NEURL1B: variants seen among roughly 807,000 people sequenced by gnomAD.
The protein encoded by NEURL1B is E3 ubiquitin-protein ligase NEURL1B.
Under a neutral mutation model 37.4 loss-of-function variants are expected in NEURL1B, and 13 were observed. That is an observed-to-expected ratio of 0.35 (90% CI 0.23 to 0.55). The LOEUF (loss-of-function observed/expected upper bound fraction) is 0.55. Among genes scored for constraint, NEURL1B ranks in the 20% least tolerant of loss-of-function variants. NEURL1B has a pLI of 0.89. For synonymous variants in NEURL1B, 432 were observed against 426.6 expected (o/e 1.01, Z -0.16); for missense variants, 790 against 879.2 (o/e 0.90, Z 1.28).
Position 172,683,840 on chromosome 5 carries a change from G to C in NEURL1B, c.999G>C (p.Ala333=). 2.3e-6 allele frequency: 3 copies of C among 1,327,498 alleles called. No homozygotes were observed. Among genetic ancestry groups the C allele is most frequent in the Non-Finnish European group, 2.9e-6 (3 of 1,035,300 alleles). The allele number at this position is 1,327,498 out of a possible 1,614,324, so 82.2% of individuals were successfully genotyped here. ...TGGAGGTGGGCCGTCCGGGGCTGGC[G>C]GCGCCCGGCGCGCTGGCCTTCGGCA... ...LFVEVGRPGL[A]APGALAFGIT... Residue 333 remains alanine (A), a synonymous_variant, in exon 3 of 5, where the codon GCG becomes GCC. Coordinates refer to ENST00000369800, the MANE Select transcript of NEURL1B (RefSeq NM_001142651.3). This position sits in a 1 kb window ranked among gnomAD's most constrained non-coding sequence, Gnocchi z 5.6.
chr5:172,670,273 G>A lies in NEURL1B; in HGVS notation c.520G>A (p.Gly174Ser). ...CTTCCACTGCGGCGTGGCCGTGGGCGGCCCGCTCTGGGCGCTCATTGATGT... is the reference window on the plus strand; with the variant it reads ...CTTCCACTGCGGCGTGGCCGTGGGCAGCCCGCTCTGGGCGCTCATTGATGT... ...VLFHCGVAVG[G>S]PLWALIDVYG... The change falls in exon 2 of 5, where the codon GGC becomes AGC. Residue 174 changes from glycine to serine, a missense_variant. Around this residue, in one of 3 missense-constraint regions of NEURL1B, gnomAD observed 215 missense variants for 309.2 expected, o/e 0.70. Coordinates refer to ENST00000369800, the MANE Select transcript of NEURL1B (RefSeq NM_001142651.3). 1.4e-6 allele frequency: 2 copies of A among 1,389,666 alleles called. No homozygotes were observed. Among genetic ancestry groups the A allele is most frequent in the South Asian group, 1.6e-5 (1 of 61,538 alleles). The allele number at this position is 1,389,666 out of a possible 1,614,324, so 86.1% of individuals were successfully genotyped here. A position where few individuals can be genotyped will look rare whatever the true frequency, so the allele number is the denominator to read the frequency against.
In NEURL1B at chr5:172,690,504, C is replaced by T. The variant is rs1039397553; in HGVS notation, c.*3579C>T. 1 of 152,208 alleles carries T rather than the reference C, an allele frequency of 6.6e-6. No homozygotes were observed. Among genetic ancestry groups the T allele is most frequent in the Admixed American group, 6.5e-5 (1 of 15,284 alleles). The allele number at this position is 152,208 out of a possible 1,614,324, so 9.4% of individuals were successfully genotyped here. ...ACCACATAACGCACACAAAGATACT[C>T]CAGAAACATTTGCTGAGTACCTAGT... On this transcript the variant is annotated 3_prime_UTR_variant, in exon 5 of 5. Transcript: ENST00000369800.
rs1667974740 is a variant in NEURL1B at position 172,686,847 on chromosome 5, G to A, written c.1590G>A (p.Arg530=). Residue 530 remains arginine (R), a synonymous_variant, in exon 5 of 5, where the codon CGG becomes CGA. Transcript: ENST00000369800. This position sits in a 1 kb window ranked among gnomAD's most constrained non-coding sequence, Gnocchi z 7.9. ...GCCTGTGCCACAGCTGCGGCCTGCGGCTCAAGCGACAGGCCCGGGCCTGCT... is the reference window on the plus strand; with the variant it reads ...GCCTGTGCCACAGCTGCGGCCTGCGACTCAAGCGACAGGCCCGGGCCTGCT... ...HMCLCHSCGL[R]LKRQARACCP... The A allele has an allele frequency of 6.4e-7, 1 of 1,551,042 alleles. No homozygotes were observed. Among genetic ancestry groups the A allele is most frequent in the Non-Finnish European group, 8.7e-7 (1 of 1,146,970 alleles).
At chr5:172,654,716 G>A (rs548495816) in intron 1 of NEURL1B, among the ~76,000 whole-genome samples, 29 of 152,122 alleles carry the variant, frequency 1.9e-4, no homozygotes, top group African/African-American at 6.3e-4. Flanking sequence ...TGGGCCATCC[G>A]CAGGGTACTG....
At chr5:172,645,678 C>T (rs1581417380) in intron 1 of NEURL1B, among the ~76,000 whole-genome samples, 1 of 152,210 alleles carries the variant, frequency 6.6e-6, no homozygotes, top group Non-Finnish European at 1.5e-5. Context: ...GTCCCATCTT[C>T]CTCCCTTCCA....
At chr5:172,684,174 C>A in intron 3 of NEURL1B, 36 bp downstream of exon 3, 1 of 1,207,738 alleles carries the variant, frequency 8.3e-7, no homozygotes. Flanking sequence ...AGGCCCCGCC[C>A]CTCCCCCGTC....
intron 1 of NEURL1B, among the ~76,000 whole-genome samples, chr5:172,648,620 G>A (rs926652874): frequency 1.3e-5 from 2 of 152,240 alleles, no homozygotes; most frequent in African/African-American, 4.8e-5. Context: ...GTGTGGAAGG[G>A]AATGTTGGGT....
Position 172,683,499 on chromosome 5 carries a change from G to A in NEURL1B, c.658G>A (p.Asp220Asn). 6.7e-7 allele frequency: 1 copy of A among 1,502,860 alleles called. No homozygotes were observed. The allele number at this position is 1,502,860 out of a possible 1,614,324, so 93.1% of individuals were successfully genotyped here. The change falls in exon 3 of 5, where the codon GAC becomes AAC. Residue 220 changes from aspartate (D) to asparagine (N), a missense_variant. By Grantham distance (23) the Asp-to-Asn change is conservative. Transcript: ENST00000369800. This position sits in a 1 kb window ranked among gnomAD's most constrained non-coding sequence, Gnocchi z 5.6. Reference protein sequence around the residue: ...FSACLPPSSHDAANFDNNELE... With the variant: ...FSACLPPSSHNAANFDNNELE... ...CGCCTGCCTGCCGCCCAGCAGCCAC[G>A]ACGCGGCCAACTTCGACAACAACGA...
rs950518250 is a variant in NEURL1B at position 172,655,154 on chromosome 5, G to A, written c.31+13717G>A. 5.3e-5 allele frequency among the ~76,000 whole-genome samples: 8 copies of A among 152,186 alleles called. No homozygotes were observed. The South Asian group carries it at 1.5e-3, about 28-fold the overall frequency. ...TTCTTCCCCCAAGAAGAAAGTGGGGGGGTTGTGTGAGGTTCAACCCTTGAA... is the reference window on the plus strand; with the variant it reads ...TTCTTCCCCCAAGAAGAAAGTGGGGAGGTTGTGTGAGGTTCAACCCTTGAA... On this transcript the variant is annotated intron_variant, in intron 1 of 4. Coordinates refer to ENST00000369800, the MANE Select transcript of NEURL1B (RefSeq NM_001142651.3).
chr5:172,672,541 C>CCG (rs67676686), intron 2 of NEURL1B, among the ~76,000 whole-genome samples: 1 of 15,928 alleles, frequency 6.3e-5, no homozygotes, highest in Admixed American at 7.4e-4. Context: ...GGTGAACTCT[C>CCG]CCCCCCCCAC....
intron 2 of NEURL1B, among the ~76,000 whole-genome samples, chr5:172,679,067 G>A (rs958460119): frequency 4.6e-5 from 7 of 152,206 alleles, no homozygotes; most frequent in Admixed American, 2.0e-4. Flanking sequence ...GCAGGGAGGC[G>A]GGGACATTAG....
At chr5:172,666,779 C>T (rs1466341692) in intron 1 of NEURL1B, among the ~76,000 whole-genome samples, 1 of 152,172 alleles carries the variant, frequency 6.6e-6, no homozygotes, top group Non-Finnish European at 1.5e-5. Flanking sequence ...GGGCCTTACC[C>T]TTCTTCCATG....
chr5:172,646,309 G>A (rs550721667), intron 1 of NEURL1B, among the ~76,000 whole-genome samples: 2 of 152,308 alleles, frequency 1.3e-5, no homozygotes, highest in Admixed American at 6.5e-5. Context: ...GAATTACATG[G>A]AATAGAGAAA....
chr5:172,686,972 A>G lies in NEURL1B; in HGVS notation c.*47A>G. The G allele has an allele frequency of 2.0e-6, 3 of 1,519,482 alleles. No homozygotes were observed. The South Asian group carries it at 3.7e-5, about 19-fold the overall frequency. The allele number at this position is 1,519,482 out of a possible 1,614,324, so 94.1% of individuals were successfully genotyped here. On this transcript the variant is annotated 3_prime_UTR_variant, in exon 5 of 5. Transcript: ENST00000369800. This position sits in a 1 kb window ranked among gnomAD's most constrained non-coding sequence, Gnocchi z 7.9. ...GGCCGGTGCAAGGTCACCTTTCTGA[A>G]GGCCCCCTGGGCTGGGCAACCACAT...
At position 172,670,145 on chromosome 5, in the gene NEURL1B, A is replaced by G; in HGVS notation, c.392A>G (p.Lys131Arg). 1 of 1,507,136 alleles carries G rather than the reference A, an allele frequency of 6.6e-7. No individual in the cohort carries two copies. 93.4% of individuals were successfully genotyped at this position (1,507,136 alleles called of 1,614,324 possible). ...GTCACGCGGCCGGGCTACTGGGCCA[A>G]GGCACTGCCCGAGAACCTGGCGCTG... ...DLVTRPGYWA[K>R]ALPENLALRD... Residue 131 changes from lysine to arginine, a missense_variant, in exon 2 of 5, where the codon AAG becomes AGG. By Grantham distance (26) the Lys-to-Arg change is conservative. This residue lies in a region of NEURL1B where 215 missense variants were observed against 309.2 expected (regional missense o/e 0.70). Coordinates refer to ENST00000369800, the MANE Select transcript of NEURL1B (RefSeq NM_001142651.3).
rs902302526 is a variant in NEURL1B at position 172,657,065 on chromosome 5, T to C, written c.32-12720T>C. Among the ~76,000 whole-genome samples, 2 of 152,236 alleles carry C rather than the reference T, an allele frequency of 1.3e-5. No homozygotes were observed. The highest frequency in any genetic ancestry group is 2.4e-5 in the African/African-American group (1 of 41,464). ...GAGTCAGTCCCTCACGTCCCCATGA[T>C]GGATGACTGGTTGGCTAGGGAAGCA... On this transcript the variant is annotated intron_variant, in intron 1 of 4. Transcript: ENST00000369800. This position sits in a 1 kb window ranked among gnomAD's most constrained non-coding sequence, Gnocchi z 4.0.
At position 172,686,688 on chromosome 5, in the gene NEURL1B, C is replaced by T. The variant is rs1462856962; in HGVS notation, c.1431C>T (p.Ala477=). 10 of 1,549,422 alleles carry T rather than the reference C, an allele frequency of 6.5e-6. No individual in the cohort carries two copies. Among genetic ancestry groups the T allele is most frequent in the African/African-American group, 1.4e-5 (1 of 73,014 alleles). The change falls in exon 5 of 5, where the codon GCC becomes GCT. Residue 477 remains alanine, a synonymous_variant. Coordinates refer to ENST00000369800, the MANE Select transcript of NEURL1B (RefSeq NM_001142651.3). The surrounding 1 kb of genome is among the most constrained non-coding windows in gnomAD (Gnocchi z 7.9). ...TCTTCTCCCTTTCGGCAGTGACGGC[C>T]CCCAGCTCCCCGCTGAGCCCCCCGG... ...SSASESSLVT[A]PSSPLSPPVS...
intron 1 of NEURL1B, among the ~76,000 whole-genome samples, chr5:172,650,156 A>G (rs1027009226): frequency 6.6e-6 from 1 of 152,180 alleles, no homozygotes; most frequent in Non-Finnish European, 1.5e-5. Flanking sequence ...TCCTTTTGCT[A>G]CAAGGATGGA....
chr5:172,658,784 T>C (rs558574485), intron 1 of NEURL1B, among the ~76,000 whole-genome samples: 12 of 152,180 alleles, frequency 7.9e-5, no homozygotes, highest in African/African-American at 2.6e-4. Context: ...GTCAGGAGGT[T>C]CCTGCAAGGT....
Sources: allele counts gnomAD v4.1 joint callset (sites outside exome capture counted in the v4.1 genomes callset), GRCh38; gene constraint gnomAD v4.1.1; regional missense constraint gnomAD v4.1.1; non-coding constraint Gnocchi (gnomAD v3.1); transcripts MANE v1.5; gene names NCBI Gene and HGNC (gene_info 2026-07-23, HGNC 2026-07-21).